The following GPATCH2L variants were observed in gnomAD, a reference collection of about 807,000 sequenced individuals.
The protein encoded by GPATCH2L is G patch domain-containing protein 2-like.
GPATCH2L carries 31 observed loss-of-function variants against 57.4 expected under a neutral mutation model. The observed-to-expected ratio is 0.54, with a 90% CI of 0.41 to 0.73. The LOEUF (loss-of-function observed/expected upper bound fraction) is 0.73. GPATCH2L is among the 30% of genes least tolerant of loss of function. The probability of loss-of-function intolerance (pLI) is 0.00; values close to 1 mark genes in which losing one functional copy is unlikely to be tolerated. For missense variants in GPATCH2L, 481 were observed against 599.9 expected (o/e 0.80, Z 2.07); for synonymous variants, 199 against 210.7 (o/e 0.94, Z 0.48).
chr14:76,180,573 G>A (rs1240936345), intron 7 of GPATCH2L, among the ~76,000 whole-genome samples, 191 bp from the exon 8 acceptor site: 1 of 152,066 alleles, frequency 6.6e-6, no homozygotes, highest in East Asian at 1.9e-4. Context: ...TTTTTCCGAG[G>A]TGTGCTAGAT....
In GPATCH2L at chr14:76,161,625, A is replaced by G. The variant is rs186798008; in HGVS notation, c.663-5038A>G. ...CCCCCTGGCAATTTTGGGAATTCAGAGGGGTTTATTTTGTTGAAACTAGAA... is the reference window on the plus strand; with the variant it reads ...CCCCCTGGCAATTTTGGGAATTCAGGGGGGTTTATTTTGTTGAAACTAGAA... On this transcript the variant is annotated intron_variant, in intron 2 of 9. Transcript: ENST00000261530. Among the ~76,000 whole-genome samples, 1,169 of 152,256 alleles carry G rather than the reference A, an allele frequency of 7.7e-3. 37 individuals are homozygous for G. Among genetic ancestry groups the G allele is most frequent in the Admixed American group, 0.068 (1,035 of 15,294 alleles).
At chr14:76,155,555 A>G (rs957781160) in intron 2 of GPATCH2L, among the ~76,000 whole-genome samples, 1 of 152,192 alleles carries the variant, frequency 6.6e-6, no homozygotes, top group African/African-American at 2.4e-5. Flanking sequence ...CTGACATTCA[A>G]ATTGTCTGAA....
intron 5 of GPATCH2L, 147 bp downstream of exon 5, chr14:76,173,772 C>A: frequency 5.1e-6 from 3 of 587,116 alleles, no homozygotes; most frequent in South Asian, 2.2e-5. Context: ...CAAGAGTGAA[C>A]ATTATGTAGA....
At position 76,201,741 on chromosome 14, in the gene GPATCH2L, T is replaced by A; in HGVS notation, c.1339T>A (p.Ser447Thr). ...PTTPASQAPK[S>T]PSSEWLVRTS... ...CACACCAGCATCACAAGCCCCCAAA[T>A]CACCCAGCTCTGAGTGGTTGGTGAG... Residue 447 changes from serine to threonine, a missense_variant, in exon 10 of 10, where the codon TCA becomes ACA. Coordinates refer to ENST00000261530, the MANE Select transcript of GPATCH2L (RefSeq NM_017926.4). 1 of 1,613,640 alleles carries A rather than the reference T, an allele frequency of 6.2e-7. No individual in the cohort carries two copies. The highest frequency in any genetic ancestry group is 1.1e-5 in the South Asian group (1 of 91,034).
In GPATCH2L at chr14:76,171,346, G is replaced by T. The variant is rs531808982; in HGVS notation, c.728-497G>T. Among the ~76,000 whole-genome samples the T allele has an allele frequency of 5.9e-5, 9 of 151,856 alleles. No individual in the cohort carries two copies. In the South Asian group the frequency reaches 1.9e-3, roughly 32 times the overall value. On this transcript the variant is annotated intron_variant, in intron 3 of 9. Transcript: ENST00000261530. ...TCCCAGCACTTTGGGAGGCCGAGGC[G>T]GGTGGATCAGTTGAGGTCAGGAGTC...
At chr14:76,163,752 T>C (rs2038704099) in intron 2 of GPATCH2L, among the ~76,000 whole-genome samples, 1 of 152,200 alleles carries the variant, frequency 6.6e-6, no homozygotes, top group South Asian at 2.1e-4. Context: ...ACATTTTACA[T>C]GTAGGGAAAC....
rs1280407271 is a variant in GPATCH2L, at chr14:76,207,501, G to C, written c.*5650G>C. 6.6e-6 allele frequency: 1 copy of C among 150,990 alleles called. No individual in the cohort carries two copies. The highest frequency in any genetic ancestry group is 1.5e-5 in the Non-Finnish European group (1 of 67,890). 9.4% of individuals were successfully genotyped at this position (150,990 alleles called of 1,614,324 possible). A position where few individuals can be genotyped will look rare whatever the true frequency, so the allele number is the denominator to read the frequency against. ...ATGTATTTTCCAGCATGATAATGAT[G>C]AATCATTTAAAGTACGGCTCATAAA... On this transcript the variant is annotated 3_prime_UTR_variant, in exon 10 of 10. Coordinates refer to ENST00000261530, the MANE Select transcript of GPATCH2L (RefSeq NM_017926.4).
intron 8 of GPATCH2L, among the ~76,000 whole-genome samples, chr14:76,185,720 C>T (rs1289917591): frequency 6.6e-6 from 1 of 152,132 alleles, no homozygotes; most frequent in Non-Finnish European, 1.5e-5. Context: ...TATAGGTCAG[C>T]TTCCTTTGTA....
At chr14:76,170,650 A>G (rs554358017) in intron 3 of GPATCH2L, 6 of 152,300 alleles carry the variant, frequency 3.9e-5, no homozygotes, top group Non-Finnish European at 5.9e-5. Flanking sequence ...TGAGATACCA[A>G]CGATAAATGA....
intron 2 of GPATCH2L, among the ~76,000 whole-genome samples, chr14:76,233,398 T>C (rs1256348652): frequency 6.6e-6 from 1 of 152,184 alleles, no homozygotes; most frequent in Admixed American, 6.5e-5. Context: ...ATGATTGTCA[T>C]TTGCCTTTCT....
intron 8 of GPATCH2L, among the ~76,000 whole-genome samples, chr14:76,182,201 C>T (rs910132886): frequency 1.3e-5 from 2 of 151,604 alleles, no homozygotes; most frequent in African/African-American, 2.4e-5. Flanking sequence ...ACTAAAAATA[C>T]AAAAAATTAG....
At position 76,154,273 on chromosome 14, in the gene GPATCH2L, C is replaced by A; in HGVS notation, c.-10-81C>A. On this transcript the variant is annotated intron_variant, in intron 1 of 9. Transcript: ENST00000261530. This position sits in a 1 kb window ranked among gnomAD's most constrained non-coding sequence, Gnocchi z 4.4. ...CATGATCTGTTTCATCAAATTATTC[C>A]AAAACAACAGATCCTTTTTCAGGCT... The A allele has an allele frequency of 8.1e-7, 1 of 1,231,814 alleles. No homozygotes were observed. The highest frequency in any genetic ancestry group is 1.1e-6 in the Non-Finnish European group (1 of 884,166). 76.3% of individuals were successfully genotyped at this position (1,231,814 alleles called of 1,614,324 possible). A position where few individuals can be genotyped will look rare whatever the true frequency, so the allele number is the denominator to read the frequency against.
intron 2 of GPATCH2L, among the ~76,000 whole-genome samples, chr14:76,156,826 C>T (rs2038329742): frequency 6.6e-6 from 1 of 152,200 alleles, no homozygotes; most frequent in Non-Finnish European, 1.5e-5. Context: ...AGTATGGCTC[C>T]AGATGCAGAG....
chr14:76,224,934 G>GA (rs933764571), intron 1 of GPATCH2L, among the ~76,000 whole-genome samples: 57 of 152,066 alleles, frequency 3.7e-4, no homozygotes, highest in African/African-American at 1.2e-3. Context: ...TGAAAGATGA[G>GA]AAAAAATCTT....
At chr14:76,214,583 T>C (rs1028706794), downstream of GPATCH2L, among the ~76,000 whole-genome samples, 5 of 152,322 alleles carry the variant, frequency 3.3e-5, no homozygotes, top group Admixed American at 1.3e-4. Context: ...AATTGTGTCC[T>C]CACATGGTGA....
intron 2 of GPATCH2L, among the ~76,000 whole-genome samples, chr14:76,160,555 G>A (rs1324256586): frequency 6.6e-6 from 1 of 152,204 alleles, no homozygotes; most frequent in Non-Finnish European, 1.5e-5. Flanking sequence ...AAGTGTTCTT[G>A]AGTTGAAAAA....
At chr14:76,192,488 G>A (rs1479773093) in intron 8 of GPATCH2L, among the ~76,000 whole-genome samples, 1 of 152,108 alleles carries the variant, frequency 6.6e-6, no homozygotes, top group East Asian at 1.9e-4. Context: ...AATGTTTTAA[G>A]AGGGAAGGAT....
chr14:76,185,097 G>T (rs1356921344), intron 8 of GPATCH2L, among the ~76,000 whole-genome samples: 2 of 152,184 alleles, frequency 1.3e-5, no homozygotes, highest in Non-Finnish European at 2.9e-5. Flanking sequence ...GTATCTGCAC[G>T]GTGCCCAGCA....
At chr14:76,168,225 C>T (rs542457057) in intron 3 of GPATCH2L, among the ~76,000 whole-genome samples, 28 of 152,356 alleles carry the variant, frequency 1.8e-4, no homozygotes, top group African/African-American at 4.3e-4. Context: ...TCTACCAAGA[C>T]ACAGTTTTCC....
Sources: allele counts gnomAD v4.1 joint callset (sites outside exome capture counted in the v4.1 genomes callset), GRCh38; gene constraint gnomAD v4.1.1; non-coding constraint Gnocchi (gnomAD v3.1); transcripts MANE v1.5; gene names NCBI Gene and HGNC (gene_info 2026-07-23, HGNC 2026-07-21).